ZNF713: variants seen among roughly 807,000 people sequenced by gnomAD.
ZNF713 encodes zinc finger protein 713.
In ZNF713, 21 loss-of-function variants were observed where a neutral mutation model predicts 28.7. The ratio of observed to expected loss-of-function variants is 0.73; its 90% CI spans 0.52 to 1.05. ZNF713 has a LOEUF of 1.05. ZNF713 is among the 50% of genes least tolerant of loss of function. The pLI is 0.00. For synonymous variants in ZNF713, 167 were observed against 178.0 expected, an observed-to-expected ratio of 0.94 and a Z score of 0.49; for missense variants, 458 against 532.4, an observed-to-expected ratio of 0.86 and a Z score of 1.37.
rs1228586478 is a variant in ZNF713 at position 55,887,862 on chromosome 7, GGGC to G, written c.-583+206_-583+208del. Among the ~76,000 whole-genome samples the G allele has an allele frequency of 9.8e-3, 131 of 13,408 alleles. 40 individuals carry two copies. Among genetic ancestry groups the G allele is most frequent in the Non-Finnish European group, 0.013 (97 of 7,428 alleles). 8.8% of individuals were successfully genotyped at this position (13,408 alleles called of 152,430 possible). Reference sequence around the variant, plus strand: ...GCGGGCGGCGGCGGCGGCGGGCGGCGGGCGGCGGCGGCGGCGGCGGCGGCGGGC... The same window carrying G: ...GCGGGCGGCGGCGGCGGCGGGCGGCGGGCGGCGGCGGCGGCGGCGGCGGGC... On this transcript the variant is annotated intron_variant, in intron 1 of 6. Coordinates refer to ENST00000429591, the MANE Select transcript of ZNF713 (RefSeq NM_182633.3).
chr7:55,909,121 C>A (rs1052107312), intron 2 of ZNF713, among the ~76,000 whole-genome samples: 1 of 150,208 alleles, frequency 6.7e-6, no homozygotes, highest in Non-Finnish European at 1.5e-5. Flanking sequence ...ATCGCTTGAA[C>A]CAGGGAGTCG....
chr7:55,917,690 G>GT (rs1785910343), intron 4 of ZNF713, among the ~76,000 whole-genome samples: 4 of 148,408 alleles, frequency 2.7e-5, no homozygotes, highest in Admixed American at 1.4e-4. Flanking sequence ...GGGTGACAGA[G>GT]TGAGACCCTG....
intron 2 of ZNF713, among the ~76,000 whole-genome samples, chr7:55,910,783 A>C (rs1013274676): frequency 2.0e-5 from 3 of 152,170 alleles, no homozygotes; most frequent in African/African-American, 7.2e-5. Context: ...GGCATGAGCC[A>C]CCGTGCCTGG....
intron 4 of ZNF713, among the ~76,000 whole-genome samples, chr7:55,915,878 A>G (rs1785874279): frequency 6.6e-6 from 1 of 152,342 alleles, no homozygotes; most frequent in African/African-American, 2.4e-5. Context: ...CCAATTCTAC[A>G]TTAAAAATCA....
intron 1 of ZNF713, among the ~76,000 whole-genome samples, chr7:55,891,729 T>C (rs1352498025): frequency 2.0e-5 from 3 of 151,276 alleles, no homozygotes; most frequent in African/African-American, 7.3e-5. Flanking sequence ...CACATCTGAG[T>C]ATATAAACGC....
chr7:55,904,227 C>T (rs1202007074), intron 1 of ZNF713, among the ~76,000 whole-genome samples: 1 of 113,954 alleles, frequency 8.8e-6, no homozygotes, highest in Admixed American at 8.3e-5. Flanking sequence ...AGCACCAGGC[C>T]GAGGCGGGTG....
At chr7:55,891,135 C>T (rs552326069) in intron 1 of ZNF713, among the ~76,000 whole-genome samples, 21 of 152,010 alleles carry the variant, frequency 1.4e-4, no homozygotes, top group Admixed American at 2.0e-4. Context: ...TTGATTAGTT[C>T]ATCAGCAAAT....
chr7:55,903,158 T>TA (rs1014082227), intron 1 of ZNF713, among the ~76,000 whole-genome samples: 58 of 151,866 alleles, frequency 3.8e-4, no homozygotes, highest in African/African-American at 1.4e-3. Context: ...ATTAAAAATT[T>TA]AAAAAAAATT....
chr7:55,913,329 G>A (rs544015809), intron 4 of ZNF713, among the ~76,000 whole-genome samples: 2 of 150,484 alleles, frequency 1.3e-5, no homozygotes, highest in Non-Finnish European at 2.9e-5. Flanking sequence ...AGCCTCCCGA[G>A]TAGCTGAGAC....
At chr7:55,937,231 CAA>C (rs756126203) in intron 6 of ZNF713, among the ~76,000 whole-genome samples, 14 of 151,970 alleles carry the variant, frequency 9.2e-5, no homozygotes, top group Non-Finnish European at 1.5e-4. Flanking sequence ...ACCCACAAGA[CAA>C]GAGGTTGCAG....
At chr7:55,933,423 G>A (rs1786282873) in intron 6 of ZNF713, among the ~76,000 whole-genome samples, 1 of 151,560 alleles carries the variant, frequency 6.6e-6, no homozygotes, top group East Asian at 2.0e-4. Context: ...AGCCTCCCGA[G>A]TAGCTGGGAT....
intron 2 of ZNF713, among the ~76,000 whole-genome samples, chr7:55,909,947 A>G (rs771443536): frequency 1.1e-4 from 17 of 151,598 alleles, no homozygotes; most frequent in Non-Finnish European, 2.4e-4. Context: ...GTGTGTATAT[A>G]TATGTGTGTG....
chr7:55,939,479 C>T lies in ZNF713; in HGVS notation c.805C>T (p.His269Tyr). 6.2e-7 allele frequency: 1 copy of T among 1,614,086 alleles called. No homozygotes were observed. Among genetic ancestry groups the T allele is most frequent in the South Asian group, 1.1e-5 (1 of 91,066 alleles). Reference protein sequence around the residue: ...KPSECGKAFSHTSSLSQPQML... With the variant: ...KPSECGKAFSYTSSLSQPQML... ...CAGTGAGTGTGGGAAGGCCTTCAGC[C>T]ACACCTCATCTCTTAGCCAGCCTCA... Residue 269 changes from histidine (H) to tyrosine (Y), a missense_variant, in exon 7 of 7, where the codon CAC (histidine) becomes TAC (tyrosine). Physicochemically the swap from His to Tyr is moderately conservative, Grantham distance 83 (BLOSUM62 2). Transcript: ENST00000429591.
rs1354989048 is a variant in ZNF713, at chr7:55,939,886, G to A, written c.1212G>A (p.Gly404=). Residue 404 remains glycine, a synonymous_variant, in exon 7 of 7, where the codon GGG becomes GGA. Transcript: ENST00000429591. The part of the protein sequence containing the change: ...GEKPYKCNEC[G]KAFSQSAHLN... ...AACCCTATAAATGTAATGAATGCGG[G>A]AAAGCCTTTAGCCAGAGTGCACACC... is the stretch of plus-strand genomic sequence containing the variant. 7 of 1,614,064 alleles carry A rather than the reference G, an allele frequency of 4.3e-6. No individual in the cohort carries two copies. The highest frequency in any genetic ancestry group is 2.2e-5 in the East Asian group (1 of 44,882).
chr7:55,927,544 T>C (rs1212757440), intron 6 of ZNF713, among the ~76,000 whole-genome samples: 1 of 151,632 alleles, frequency 6.6e-6, no homozygotes, highest in African/African-American at 2.4e-5. Flanking sequence ...AGAATTGTTC[T>C]AAGCAGGAAC....
chr7:55,933,852 G>A (rs1453492321), intron 6 of ZNF713, among the ~76,000 whole-genome samples: 1 of 152,074 alleles, frequency 6.6e-6, no homozygotes, highest in Non-Finnish European at 1.5e-5. Context: ...CTATAGGTGC[G>A]CACCATCACA....
At chr7:55,919,852 T>C (rs1034743966) in intron 4 of ZNF713, among the ~76,000 whole-genome samples, 1 of 151,876 alleles carries the variant, frequency 6.6e-6, no homozygotes, top group Non-Finnish European at 1.5e-5. Flanking sequence ...TCTCCTACTC[T>C]CTACCTCAAG....
chr7:55,922,517 A>G (rs1242560209), intron 4 of ZNF713, among the ~76,000 whole-genome samples: 5 of 151,296 alleles, frequency 3.3e-5, no homozygotes, highest in Non-Finnish European at 7.4e-5. Context: ...CAGCCTGGGC[A>G]ACAGAGTGAG....
At chr7:55,934,367 C>T (rs1449856544) in intron 6 of ZNF713, among the ~76,000 whole-genome samples, 2 of 152,122 alleles carry the variant, frequency 1.3e-5, no homozygotes, top group East Asian at 1.9e-4. Flanking sequence ...TGGGGAAATG[C>T]TCAAGCTAAA....
Sources: allele counts gnomAD v4.1 joint callset (sites outside exome capture counted in the v4.1 genomes callset), GRCh38; gene constraint gnomAD v4.1.1; transcripts MANE v1.5; gene names NCBI Gene and HGNC (gene_info 2026-07-23, HGNC 2026-07-21).